Variants in PALD1 observed in about 807,000 individuals in gnomAD.
The protein encoded by PALD1 is paladin.
In PALD1, 57 loss-of-function variants were observed where a neutral mutation model predicts 96.0. The ratio of observed to expected loss-of-function variants is 0.59; its 90% CI spans 0.48 to 0.74. PALD1 has a LOEUF of 0.74. Ranked by LOEUF, PALD1 falls within the 30% of genes least tolerant of loss-of-function variation. The pLI is 0.00. For missense variants in PALD1, 1,063 were observed against 1,143.7 expected (o/e 0.93, Z 1.02); for synonymous variants, 464 against 473.6 (o/e 0.98, Z 0.26).
chr10:70,463,101 G>C, the PALD1 span, among the ~76,000 whole-genome samples: 1 of 152,150 alleles, frequency 6.6e-6, no homozygotes, highest in African/African-American at 2.4e-5. Flanking sequence ...TGTTTGTGGG[G>C]TGAATCAAAA....
intron 18 of PALD1, among the ~76,000 whole-genome samples, chr10:70,553,981 C>T (rs945143090): frequency 3.9e-5 from 6 of 152,178 alleles, no homozygotes; most frequent in African/African-American, 1.4e-4. Flanking sequence ...GAGGGAACAG[C>T]CTCGACCCTT....
chr10:70,555,202 T>C (rs1473648939), intron 18 of PALD1, among the ~76,000 whole-genome samples: 1 of 150,726 alleles, frequency 6.6e-6, no homozygotes, highest in Admixed American at 6.6e-5. Context: ...CTCAAACTCC[T>C]GGACTCAAGT....
chr10:70,486,185 C>G (rs1846014127), intron 1 of PALD1: 1 of 176,836 alleles, frequency 5.7e-6, no homozygotes, highest in African/African-American at 2.4e-5. Flanking sequence ...TCTTCAACCA[C>G]TGTTGAGGTA....
At chr10:70,466,651 A>T in the PALD1 span, among the ~76,000 whole-genome samples, 1 of 152,216 alleles carries the variant, frequency 6.6e-6, no homozygotes, top group South Asian at 2.1e-4. Flanking sequence ...CTCAGGCTGG[A>T]ACTCCTTACC....
intron 18 of PALD1, among the ~76,000 whole-genome samples, chr10:70,549,763 C>T (rs1847442723): frequency 6.6e-6 from 1 of 152,220 alleles, no homozygotes; most frequent in East Asian, 1.9e-4. Context: ...GTAGTTGGGG[C>T]TGCTAGAGGT....
chr10:70,539,160 C>A lies in PALD1; in HGVS notation c.1638C>A (p.Ser546Arg). 1 of 1,613,514 alleles carries A rather than the reference C, an allele frequency of 6.2e-7. No individual in the cohort carries two copies. Among genetic ancestry groups the A allele is most frequent in the Non-Finnish European group, 8.5e-7 (1 of 1,179,762 alleles). Residue 546 changes from serine to arginine, a missense_variant, in exon 14 of 20, where the codon AGC (serine) becomes AGA (arginine). Physicochemically the swap from Ser to Arg is moderately radical, Grantham distance 110. Transcript: ENST00000263563. This position sits in a 1 kb window ranked among gnomAD's most constrained non-coding sequence, Gnocchi z 4.5. Reference protein sequence around the residue: ...KRRLRKVVWVSLREEAVLECD... With the variant: ...KRRLRKVVWVRLREEAVLECD... ...GGCTGCGGAAGGTTGTCTGGGTGAG[C>A]CTTCGGGAGGAGGCCGTGTTGGAGT...
At chr10:70,559,462 G>A (rs559967415) in intron 18 of PALD1, among the ~76,000 whole-genome samples, 10 of 152,284 alleles carry the variant, frequency 6.6e-5, no homozygotes, top group South Asian at 2.1e-4. Flanking sequence ...TTGGGCAGAC[G>A]CTTACTGTTT....
the PALD1 span, among the ~76,000 whole-genome samples, chr10:70,471,827 C>T: frequency 2.0e-5 from 3 of 152,216 alleles, no homozygotes; most frequent in African/African-American, 2.4e-5. Flanking sequence ...TCTTCCAGCG[C>T]TTAGGTTCTT....
chr10:70,564,530 G>A lies in PALD1; in HGVS notation c.2418+11G>A. The A allele has an allele frequency of 6.2e-7, 1 of 1,612,488 alleles. No homozygotes were observed. The highest frequency in any genetic ancestry group is 8.5e-7 in the Non-Finnish European group (1 of 1,179,386). On this transcript the variant is annotated intron_variant, in intron 19 of 19. Coordinates refer to ENST00000263563, the MANE Select transcript of PALD1 (RefSeq NM_014431.3). ...ACCTGGATGCAGGAGGTGAGGGGAG[G>A]CTGAGGCCGAGAGGGGCCGGGGCGA...
intron 3 of PALD1, 92 bp from the exon 4 acceptor site, chr10:70,529,797 C>G: frequency 1.7e-6 from 2 of 1,159,924 alleles, no homozygotes; most frequent in Non-Finnish European, 2.5e-6. Context: ...TATTTCCCCC[C>G]TCCCTGTCCC....
chr10:70,525,034 C>T (rs550043690), intron 1 of PALD1, among the ~76,000 whole-genome samples: 1 of 152,160 alleles, frequency 6.6e-6, no homozygotes, highest in African/African-American at 2.4e-5. Flanking sequence ...TAGAGTCTCA[C>T]TCTGTCACCT....
the PALD1 span, among the ~76,000 whole-genome samples, chr10:70,469,401 TG>T: frequency 8.0e-3 from 1,226 of 152,300 alleles, 10 homozygotes; most frequent in Non-Finnish European, 0.012. Context: ...TCCTAACTGC[TG>T]GACCGTGAAT....
At chr10:70,479,120 A>T (rs1845883795) in intron 1 of PALD1, 61 bp downstream of exon 1, 1 of 152,322 alleles carries the variant, frequency 6.6e-6, no homozygotes, top group East Asian at 1.9e-4. Context: ...TCCCCCGGGC[A>T]CCCCCCAGCC....
chr10:70,467,412 G>C, the PALD1 span, among the ~76,000 whole-genome samples: 32 of 152,056 alleles, frequency 2.1e-4, no homozygotes, highest in African/African-American at 7.0e-4. Flanking sequence ...TGGTGGAGGT[G>C]GGGGGTGGGA....
intron 1 of PALD1, among the ~76,000 whole-genome samples, chr10:70,490,322 G>A (rs943626071): frequency 6.6e-6 from 1 of 152,078 alleles, no homozygotes; most frequent in African/African-American, 2.4e-5. Context: ...CCTGGGCTCA[G>A]GTGATCCTCC....
chr10:70,496,874 A>G (rs1846203746), intron 1 of PALD1, among the ~76,000 whole-genome samples: 1 of 152,156 alleles, frequency 6.6e-6, no homozygotes, highest in Admixed American at 6.5e-5. Flanking sequence ...CCAGGGTCAC[A>G]TGATAACTCA....
chr10:70,477,613 A>C (rs1845845996), upstream of PALD1, among the ~76,000 whole-genome samples: 1 of 152,196 alleles, frequency 6.6e-6, no homozygotes, highest in Non-Finnish European at 1.5e-5. Context: ...GGCACTTAAG[A>C]GCTAGGTGCT....
At chr10:70,553,760 C>T (rs555885955) in intron 18 of PALD1, among the ~76,000 whole-genome samples, 3 of 152,306 alleles carry the variant, frequency 2.0e-5, no homozygotes, top group East Asian at 3.9e-4. Flanking sequence ...CTCAAGCGGG[C>T]GGAGGCACCA....
At chr10:70,465,638 C>T in the PALD1 span, among the ~76,000 whole-genome samples, 3 of 152,240 alleles carry the variant, frequency 2.0e-5, no homozygotes, top group Middle Eastern at 3.4e-3. Context: ...AGGACTCAGG[C>T]GGGCCAATCT....
Sources: allele counts gnomAD v4.1 joint callset (sites outside exome capture counted in the v4.1 genomes callset), GRCh38; gene constraint gnomAD v4.1.1; non-coding constraint Gnocchi (gnomAD v3.1); transcripts MANE v1.5; gene names NCBI Gene and HGNC (gene_info 2026-07-23, HGNC 2026-07-21).